DPP6: variants seen among roughly 807,000 people sequenced by gnomAD.
DPP6 encodes A-type potassium channel modulatory protein DPP6.
DPP6 carries 69 observed loss-of-function variants against 122.6 expected under a neutral mutation model. The observed-to-expected ratio is 0.56, with a 90% CI of 0.46 to 0.69. The LOEUF (loss-of-function observed/expected upper bound fraction) is 0.69, where lower values mean the gene tolerates loss of function less well. DPP6 is among the 30% of genes least tolerant of loss of function. DPP6 has a pLI of 0.00. For synonymous variants in DPP6, 418 were observed against 433.1 expected, an observed-to-expected ratio of 0.97 and a Z score of 0.43; for missense variants, 928 against 1,116.9, an observed-to-expected ratio of 0.83 and a Z score of 2.41.
Position 154,593,443 on chromosome 7 carries a change from C to T in DPP6, c.627+26527C>T, listed in dbSNP as rs539923727. On this transcript the variant is annotated intron_variant, in intron 5 of 25. Coordinates refer to ENST00000377770, the MANE Select transcript of DPP6 (RefSeq NM_130797.4). ...GGATTTTACCTTAAGAGTTAGATTGCACTCTTACACTGTGCTGTTCAAATT... is the reference window on the plus strand; with the variant it reads ...GGATTTTACCTTAAGAGTTAGATTGTACTCTTACACTGTGCTGTTCAAATT... Among the ~76,000 whole-genome samples, 8 of 152,314 alleles carry T rather than the reference C, an allele frequency of 5.3e-5. No individual in the cohort carries two copies. In the South Asian group the frequency reaches 1.4e-3, roughly 28 times the overall value.
intron 21 of DPP6, chr7:154,883,960 TCACA>T (rs200526100): frequency 1.5e-5 from 2 of 134,070 alleles, no homozygotes; most frequent in African/African-American, 2.9e-5. Context: ...TGACACATGC[TCACA>T]CACACGATTA....
Position 154,386,940 on chromosome 7 carries a change from A to C in DPP6, c.244-59274A>C, listed in dbSNP as rs543325175. On this transcript the variant is annotated intron_variant, in intron 1 of 25. Transcript: ENST00000377770. ...TGGCAAAGCAGAGGAGGGCTTGAGC[A>C]TGGGTGGGCAGGTGAGCAAGCGTGC... Among the ~76,000 whole-genome samples, 26 of 64,988 alleles carry C rather than the reference A, an allele frequency of 4.0e-4. No homozygotes were observed. The East Asian group carries it at 0.023, about 58-fold the overall frequency. The allele number at this position is 64,988 out of a possible 152,430, so 42.6% of individuals were successfully genotyped here.
At chr7:154,325,592 C>T (rs774415021) in intron 1 of DPP6, among the ~76,000 whole-genome samples, 1 of 152,142 alleles carries the variant, frequency 6.6e-6, no homozygotes, top group Non-Finnish European at 1.5e-5. Context: ...ATTTCATTCC[C>T]TAAGAAATAG....
chr7:154,214,619 TA>T (rs1799902426), intron 1 of DPP6, among the ~76,000 whole-genome samples: 1 of 152,164 alleles, frequency 6.6e-6, no homozygotes, highest in Non-Finnish European at 1.5e-5. Context: ...AAACTAGGGA[TA>T]AAAATATGTA....
intron 7 of DPP6, among the ~76,000 whole-genome samples, chr7:154,709,381 T>A (rs906419248): frequency 6.6e-5 from 10 of 152,042 alleles, no homozygotes; most frequent in Admixed American, 6.5e-4. Flanking sequence ...TTGTTGTTGT[T>A]GTCGTTGCTA....
chr7:154,876,666 C>G (rs1158798155), intron 20 of DPP6, among the ~76,000 whole-genome samples: 2 of 152,210 alleles, frequency 1.3e-5, no homozygotes, highest in Non-Finnish European at 2.9e-5. Flanking sequence ...ATCACAGAAA[C>G]AAAAGGAGGC....
chr7:153,767,500 T>C, the DPP6 span, among the ~76,000 whole-genome samples: 1 of 151,388 alleles, frequency 6.6e-6, no homozygotes, highest in Non-Finnish European at 1.5e-5. Flanking sequence ...CCTGAGTAGC[T>C]GGGATTACAG....
chr7:154,128,306 A>C (rs540385921), intron 1 of DPP6, among the ~76,000 whole-genome samples: 2 of 152,162 alleles, frequency 1.3e-5, no homozygotes, highest in Non-Finnish European at 2.9e-5. Flanking sequence ...AAGGCTAGAC[A>C]TGGTGGCTCA....
intron 1 of DPP6, among the ~76,000 whole-genome samples, chr7:154,273,315 G>A (rs1803915339): frequency 6.6e-6 from 1 of 152,134 alleles, no homozygotes; most frequent in Admixed American, 6.5e-5. Flanking sequence ...AGCTTCAGAT[G>A]GAGGATCAGG....
chr7:154,566,985 C>T lies in DPP6; in HGVS notation c.627+69C>T, dbSNP rs920464250. The T allele has an allele frequency of 3.5e-6, 4 of 1,132,428 alleles. No homozygotes were observed. The South Asian group carries it at 5.4e-5, about 15-fold the overall frequency. The allele number at this position is 1,132,428 out of a possible 1,614,324, so 70.1% of individuals were successfully genotyped here. On this transcript the variant is annotated intron_variant, in intron 5 of 25. Transcript: ENST00000377770. ...TTCTAATATCTCATTAAGTATATTT[C>T]CTTGACTCTTCTATACTTAGTGATC...
At chr7:154,441,663 G>A (rs1586281413) in intron 1 of DPP6, among the ~76,000 whole-genome samples, 1 of 152,216 alleles carries the variant, frequency 6.6e-6, no homozygotes, top group Non-Finnish European at 1.5e-5. Context: ...TGCATAACCT[G>A]ACAGAGAGGC....
intron 3 of DPP6, among the ~76,000 whole-genome samples, chr7:154,496,488 T>C (rs1024763789): frequency 6.6e-6 from 1 of 152,238 alleles, no homozygotes; most frequent in Non-Finnish European, 1.5e-5. Context: ...CATGTTTTAC[T>C]GTGGGGTTAC....
the DPP6 span, among the ~76,000 whole-genome samples, chr7:153,816,249 T>C: frequency 6.6e-6 from 1 of 152,168 alleles, no homozygotes; most frequent in African/African-American, 2.4e-5. Flanking sequence ...TACACTTAAA[T>C]ATAAAGCAGA....
intron 1 of DPP6, among the ~76,000 whole-genome samples, chr7:153,914,503 C>T (rs1218012193): frequency 1.3e-5 from 2 of 152,060 alleles, no homozygotes; most frequent in Admixed American, 6.6e-5. Context: ...TGACCACAGC[C>T]CTATCTTTGA....
At chr7:154,230,696 C>T (rs1401796033) in intron 1 of DPP6, among the ~76,000 whole-genome samples, 1 of 152,228 alleles carries the variant, frequency 6.6e-6, no homozygotes, top group Non-Finnish European at 1.5e-5. Context: ...GTGCTTCTCT[C>T]ACCTCCTCAC....
At chr7:154,560,862 GAC>G (rs1375636707) in intron 4 of DPP6, among the ~76,000 whole-genome samples, 1 of 147,832 alleles carries the variant, frequency 6.8e-6, no homozygotes, top group Non-Finnish European at 1.5e-5. Context: ...CAGCCTGGGT[GAC>G]AGAGTGAGAC....
At chr7:153,862,250 G>A in the DPP6 span, among the ~76,000 whole-genome samples, 1 of 152,154 alleles carries the variant, frequency 6.6e-6, no homozygotes, top group African/African-American at 2.4e-5. Flanking sequence ...AAAAGATAGC[G>A]AAAAAGAGCC....
chr7:153,857,647 T>C, the DPP6 span, among the ~76,000 whole-genome samples: 1 of 152,190 alleles, frequency 6.6e-6, no homozygotes, highest in Non-Finnish European at 1.5e-5. Flanking sequence ...AATTGAGATA[T>C]CAGTTAAACT....
At chr7:153,847,174 AT>A in the DPP6 span, among the ~76,000 whole-genome samples, 3 of 152,062 alleles carry the variant, frequency 2.0e-5, no homozygotes, top group African/African-American at 4.8e-5. Flanking sequence ...TTTTATTTTT[AT>A]TTTTTTAAGT....
Sources: gnomAD v4.1 joint callset for allele counts (sites outside exome capture counted in the v4.1 genomes callset) on GRCh38, gnomAD v4.1.1 for gene constraint, MANE v1.5 for transcripts, NCBI Gene and HGNC (gene_info 2026-07-23, HGNC 2026-07-21) for gene names.